Variants in PDZD8 observed in about 807,000 individuals in gnomAD.
PDZD8 encodes the protein PDZ domain-containing protein 8.
PDZD8 carries 14 observed loss-of-function variants against 85.8 expected under a neutral mutation model. The ratio of observed to expected loss-of-function variants is 0.16; its 90% CI spans 0.11 to 0.26. PDZD8 has a LOEUF of 0.26. Ranked by LOEUF, PDZD8 falls within the 10% of genes least tolerant of loss-of-function variation. The probability of loss-of-function intolerance (pLI) is 1.00; values close to 1 mark genes in which losing one functional copy is unlikely to be tolerated. For synonymous variants in PDZD8, 592 were observed against 568.6 expected (o/e 1.04, Z -0.59); for missense variants, 1,197 against 1,424.3 (o/e 0.84, Z 2.57).
At chr10:117,343,596 T>C (rs1844654351) in intron 1 of PDZD8, among the ~76,000 whole-genome samples, 1 of 152,242 alleles carries the variant, frequency 6.6e-6, no homozygotes, top group Admixed American at 6.5e-5. Context: ...CCAAGTTAGC[T>C]AAATCACAAC....
In PDZD8 at chr10:117,283,224, G is replaced by C. The variant is rs363292; in HGVS notation, c.*44C>G. On this transcript the variant is annotated 3_prime_UTR_variant, in exon 5 of 5. Transcript: ENST00000334464. ...TGGTTGTATCTGTGGTACTTTAGATGCAACTTTACCCTGTTCATTTGAAAG... is the reference window on the plus strand; with the variant it reads ...TGGTTGTATCTGTGGTACTTTAGATCCAACTTTACCCTGTTCATTTGAAAG... The C allele has an allele frequency of 2.5e-3, 3,861 of 1,521,196 alleles. 78 individuals are homozygous for C. The African/African-American group carries it at 0.045, about 18-fold the overall frequency. The allele number at this position is 1,521,196 out of a possible 1,614,324, so 94.2% of individuals were successfully genotyped here.
Position 117,290,280 on chromosome 10 carries a change from C to T in PDZD8, c.1167G>A (p.Gly389=). The T allele has an allele frequency of 4.3e-6, 7 of 1,613,794 alleles. No individual in the cohort carries two copies. Among genetic ancestry groups the T allele is most frequent in the African/African-American group, 1.3e-5 (1 of 75,044 alleles). Reference sequence around the variant, plus strand: ...TTTCAATGATGACGTGCCCAGCATACCCATCAGTTGACTGGACAAGACGAA... The same window carrying T: ...TTTCAATGATGACGTGCCCAGCATATCCATCAGTTGACTGGACAAGACGAA... The part of the protein sequence containing the change: ...LTLRLVQSTD[G]YAGHVIIETV... The change falls in exon 4 of 5, where the codon GGG becomes GGA. Residue 389 remains glycine (G), a synonymous_variant. Transcript: ENST00000334464.
intron 1 of PDZD8, among the ~76,000 whole-genome samples, chr10:117,372,239 C>A (rs185473086): frequency 1.3e-5 from 2 of 152,312 alleles, no homozygotes; most frequent in Admixed American, 1.3e-4. Context: ...TAACCAAATT[C>A]ATGCTGTTTT....
chr10:117,317,440 C>T (rs987166837), intron 3 of PDZD8, among the ~76,000 whole-genome samples: 1 of 152,088 alleles, frequency 6.6e-6, no homozygotes, highest in African/African-American at 2.4e-5. Flanking sequence ...TTTTCAACAT[C>T]AGATATAATT....
chr10:117,343,615 G>C (rs1269094830), intron 1 of PDZD8, among the ~76,000 whole-genome samples: 1 of 152,152 alleles, frequency 6.6e-6, no homozygotes, highest in African/African-American at 2.4e-5. Flanking sequence ...ACTGCTCTAA[G>C]AACCAGCTTT....
chr10:117,358,201 G>A (rs1228824044), intron 1 of PDZD8, among the ~76,000 whole-genome samples: 1 of 152,062 alleles, frequency 6.6e-6, no homozygotes, highest in Non-Finnish European at 1.5e-5. Flanking sequence ...AGAGACCTGA[G>A]TTTCAATTTG....
At chr10:117,317,394 A>G (rs973587932) in intron 3 of PDZD8, among the ~76,000 whole-genome samples, 9 of 134,578 alleles carry the variant, frequency 6.7e-5, no homozygotes, top group Non-Finnish European at 1.5e-4. Context: ...AAATTCAGAC[A>G]TTCGTAATTT....
Position 117,375,293 on chromosome 10 carries a change from C to A in PDZD8, c.-66G>T. 1 of 1,359,274 alleles carries A rather than the reference C, an allele frequency of 7.4e-7. No individual in the cohort carries two copies. The highest frequency in any genetic ancestry group is 9.6e-7 in the Non-Finnish European group (1 of 1,038,420). The allele number at this position is 1,359,274 out of a possible 1,614,324, so 84.2% of individuals were successfully genotyped here. On this transcript the variant is annotated 5_prime_UTR_variant, in exon 1 of 5. Transcript: ENST00000334464. ...CAGCGCCGCTTTCTTCACGCCGCCG[C>A]CCCCGCTGCCTCCATTTTGAGGACA...
rs1313386192 is a variant in PDZD8, at chr10:117,279,467, T to C, written c.*3801A>G. 6.6e-6 allele frequency: 1 copy of C among 152,210 alleles called. No homozygotes were observed. The highest frequency in any genetic ancestry group is 6.5e-5 in the Admixed American group (1 of 15,284). The allele number at this position is 152,210 out of a possible 1,614,324, so 9.4% of individuals were successfully genotyped here. A position where few individuals can be genotyped will look rare whatever the true frequency, so the allele number is the denominator to read the frequency against. On this transcript the variant is annotated 3_prime_UTR_variant, in exon 5 of 5. Coordinates refer to ENST00000334464, the MANE Select transcript of PDZD8 (RefSeq NM_173791.5). Reference sequence around the variant, plus strand: ...TTTGTATTCCTTTATAAACCAAATGTTGTTGGAATAAAATACATAAGGTAT... The same window carrying C: ...TTTGTATTCCTTTATAAACCAAATGCTGTTGGAATAAAATACATAAGGTAT...
At chr10:117,359,851 A>G (rs918608901) in intron 1 of PDZD8, among the ~76,000 whole-genome samples, 1 of 152,236 alleles carries the variant, frequency 6.6e-6, no homozygotes, top group Non-Finnish European at 1.5e-5. Context: ...AAACCCACAG[A>G]AAATTGTTCT....
chr10:117,277,537 G>A lies in PDZD8; in HGVS notation c.*5731C>T, dbSNP rs1028985481. On this transcript the variant is annotated 3_prime_UTR_variant, in exon 5 of 5. Transcript: ENST00000334464. ...TCATACAATATATTTTGATGAAATA[G>A]GTATTGTGTAAATCTATAAATATTT... is the stretch of plus-strand genomic sequence containing the variant. The A allele has an allele frequency of 1.0e-5, 2 of 195,810 alleles. No homozygotes were observed. The highest frequency in any genetic ancestry group is 2.3e-5 in the African/African-American group (1 of 42,984). The allele number at this position is 195,810 out of a possible 1,614,324, so 12.1% of individuals were successfully genotyped here.
intron 1 of PDZD8, among the ~76,000 whole-genome samples, chr10:117,347,711 A>T (rs73391185): frequency 0.022 from 3,352 of 152,326 alleles, 127 homozygotes; most frequent in African/African-American, 0.076. Flanking sequence ...AGAGGAACTC[A>T]TAACAGTAGA....
intron 1 of PDZD8, among the ~76,000 whole-genome samples, chr10:117,344,889 C>T (rs1391695759): frequency 6.6e-6 from 1 of 152,170 alleles, no homozygotes; most frequent in African/African-American, 2.4e-5. Flanking sequence ...GGAGGGTCTA[C>T]CTTGGGCACA....
chr10:117,316,499 CCT>C (rs1324290354), intron 3 of PDZD8, among the ~76,000 whole-genome samples: 4 of 151,796 alleles, frequency 2.6e-5, no homozygotes, highest in Non-Finnish European at 5.9e-5. Flanking sequence ...ATAGAAAGAC[CCT>C]GTCTCTACCA....
chr10:117,367,187 G>A (rs963080610), intron 1 of PDZD8, among the ~76,000 whole-genome samples: 33 of 152,108 alleles, frequency 2.2e-4, no homozygotes, highest in African/African-American at 8.0e-4. Flanking sequence ...GAGGCGGGGG[G>A]ATCACTAGAA....
chr10:117,333,500 CA>C (rs1438432788), intron 2 of PDZD8, among the ~76,000 whole-genome samples: 1 of 152,084 alleles, frequency 6.6e-6, no homozygotes, highest in East Asian at 1.9e-4. Context: ...AGGAAAAAAG[CA>C]AATATTATTA....
chr10:117,297,619 T>C (rs1273111387), intron 3 of PDZD8, among the ~76,000 whole-genome samples: 1 of 152,168 alleles, frequency 6.6e-6, no homozygotes, highest in African/African-American at 2.4e-5. Context: ...CTCAATTTAT[T>C]ATGGGGGATA....
At chr10:117,323,149 T>C (rs1158278283) in intron 2 of PDZD8, among the ~76,000 whole-genome samples, 1 of 152,184 alleles carries the variant, frequency 6.6e-6, no homozygotes, top group Non-Finnish European at 1.5e-5. Context: ...AACAAGATCG[T>C]TCATCTAAGA....
rs1404463733 is a variant in PDZD8 at position 117,318,910 on chromosome 10, T to G, written c.1060A>C (p.Ser354Arg). 6.2e-7 allele frequency: 1 copy of G among 1,611,900 alleles called. No homozygotes were observed. Among genetic ancestry groups the G allele is most frequent in the Non-Finnish European group, 8.5e-7 (1 of 1,178,434 alleles). ...NVHCTLELSS[S>R]VWEEKQRSSI... is the part of the protein sequence containing the mutation. ...CTCCTCTGTTTTTCTTCCCAAACAC[T>G]ACTGCTTAACTCAAGTGTGCAATGA... is the stretch of plus-strand genomic sequence containing the variant. The change falls in exon 3 of 5, where the codon AGT (serine) becomes CGT (arginine). Residue 354 changes from serine (S) to arginine (R), a missense_variant. By Grantham distance (110) the Ser-to-Arg change is moderately radical (BLOSUM62 -1). Coordinates refer to ENST00000334464, the MANE Select transcript of PDZD8 (RefSeq NM_173791.5).
Sources: gnomAD v4.1 joint callset for allele counts (sites outside exome capture counted in the v4.1 genomes callset) on GRCh38, gnomAD v4.1.1 for gene constraint, MANE v1.5 for transcripts, NCBI Gene and HGNC (gene_info 2026-07-23, HGNC 2026-07-21) for gene names.